ABCA13: variants seen among roughly 807,000 people sequenced by gnomAD.
ABCA13 encodes the protein ATP binding cassette subfamily A member 13.
In ABCA13, 476 loss-of-function variants were observed where a neutral mutation model predicts 478.7. That is an observed-to-expected ratio of 0.99 (90% CI 0.92 to 1.07). The LOEUF (loss-of-function observed/expected upper bound fraction) is 1.07. Ranked by LOEUF, ABCA13 falls within the 50% of genes least tolerant of loss-of-function variation. The pLI is 0.00. For synonymous variants in ABCA13, 2,252 were observed against 2,158.9 expected (o/e 1.04, Z -1.20); for missense variants, 6,060 against 5,910.6 (o/e 1.03, Z -0.83).
intron 44 of ABCA13, among the ~76,000 whole-genome samples, chr7:48,470,632 T>C (rs1357074953): frequency 6.6e-6 from 1 of 152,210 alleles, no homozygotes; most frequent in Non-Finnish European, 1.5e-5. Flanking sequence ...TACGTAGACA[T>C]TGTACTTTGC....
In ABCA13 at chr7:48,645,575, T is replaced by G; in HGVS notation, c.*63T>G. On this transcript the variant is annotated 3_prime_UTR_variant, in exon 62 of 62. Transcript: ENST00000435803. ...TTCCATTACAATTAACAGTCAAGGA[T>G]AAAACAAGCACGCGCACAATCAAGG... 2 of 1,364,922 alleles carry G rather than the reference T, an allele frequency of 1.5e-6. No individual in the cohort carries two copies. The highest frequency in any genetic ancestry group is 2.6e-5 in the South Asian group (2 of 77,390). The allele number at this position is 1,364,922 out of a possible 1,614,324, so 84.6% of individuals were successfully genotyped here.
intron 42 of ABCA13, among the ~76,000 whole-genome samples, chr7:48,452,922 G>A (rs1159498097): frequency 6.6e-6 from 1 of 152,128 alleles, no homozygotes; most frequent in Non-Finnish European, 1.5e-5. Flanking sequence ...TAATAAATAT[G>A]CAGACTTAAT....
At chr7:48,524,490 T>C in intron 54 of ABCA13, 50 bp downstream of exon 54, 2 of 1,477,464 alleles carry the variant, frequency 1.4e-6, no homozygotes, top group Non-Finnish European at 1.8e-6. Context: ...CCTGTACAAC[T>C]CTAGTAGCTG....
chr7:48,425,826 C>T (rs12718266), intron 41 of ABCA13, among the ~76,000 whole-genome samples: 41,517 of 151,598 alleles, frequency 0.27, 5,839 homozygotes, highest in East Asian at 0.37. Flanking sequence ...CTGCAGGCTC[C>T]GCCCCCTGGG....
rs1795749537 is a variant in ABCA13 at position 48,272,494 on chromosome 7, A to G, written c.2828A>G (p.Lys943Arg). Residue 943 changes from lysine to arginine, a missense_variant, in exon 17 of 62, where the codon AAA (lysine) becomes AGA (arginine). Lys to Arg is a conservative substitution (Grantham distance 26). Around this residue, in one of 3 missense-constraint regions of ABCA13, gnomAD observed 4,423 missense variants for 4,309.1 expected, o/e 1.03. Transcript: ENST00000435803. The stretch of plus-strand genomic sequence containing the variant: ...GAACCACAAAAACAAGAAGTTGATA[A>G]AATTTTGACTCACATACACCTAAAT... ...LSEPQKQEVD[K>R]ILTHIHLNVF... 1.2e-6 allele frequency: 2 copies of G among 1,613,776 alleles called. No individual in the cohort carries two copies. The highest frequency in any genetic ancestry group is 1.7e-6 in the Non-Finnish European group (2 of 1,179,750).
At chr7:48,236,644 T>G (rs1789993140) in intron 8 of ABCA13, among the ~76,000 whole-genome samples, 1 of 152,228 alleles carries the variant, frequency 6.6e-6, no homozygotes, top group African/African-American at 2.4e-5. Context: ...TTTGCCTCCT[T>G]TCTCCAATAA....
At chr7:48,523,473 A>G (rs1832691226) in intron 53 of ABCA13, among the ~76,000 whole-genome samples, 1 of 152,046 alleles carries the variant, frequency 6.6e-6, no homozygotes, top group African/African-American at 2.4e-5. Context: ...TGATAATATA[A>G]TAATATATTA....
chr7:48,372,215 G>A lies in ABCA13; in HGVS notation c.10851G>A (p.Trp3617Ter), dbSNP rs1585051199. 1.2e-6 allele frequency: 2 copies of A among 1,613,784 alleles called. No individual in the cohort carries two copies. The highest frequency in any genetic ancestry group is 8.5e-7 in the Non-Finnish European group (1 of 1,179,806). The part of the protein sequence containing the change: ...GVHPVIHFLA[W>*]FLENMAVLTI... ...ATCCAGTGATCCATTTCCTGGCCTGGTTCCTGGAGAACATGGCTGTGTTGA... is the reference window on the plus strand; with the variant it reads ...ATCCAGTGATCCATTTCCTGGCCTGATTCCTGGAGAACATGGCTGTGTTGA... The change falls in exon 33 of 62, where the codon TGG (tryptophan) becomes TGA (stop). Residue 3617 changes from tryptophan (W) to a stop codon, truncating the protein, a stop_gained. Coordinates refer to ENST00000435803, the MANE Select transcript of ABCA13 (RefSeq NM_152701.5). LOFTEE classifies it high-confidence loss of function.
intron 42 of ABCA13, among the ~76,000 whole-genome samples, chr7:48,432,986 T>A (rs1268085904): frequency 6.6e-6 from 1 of 152,034 alleles, no homozygotes; most frequent in Admixed American, 6.6e-5. Flanking sequence ...AAAAACTATG[T>A]GAGGTATTGC....
At chr7:48,446,655 A>G (rs536459234) in intron 42 of ABCA13, among the ~76,000 whole-genome samples, 1 of 152,288 alleles carries the variant, frequency 6.6e-6, no homozygotes, top group Admixed American at 6.5e-5. Context: ...ATGAAGGGCT[A>G]GTAGAACTCT....
chr7:48,394,781 G>A (rs1481508151), intron 38 of ABCA13, among the ~76,000 whole-genome samples: 3 of 152,046 alleles, frequency 2.0e-5, no homozygotes, highest in Admixed American at 2.0e-4. Flanking sequence ...AGATTTTGGT[G>A]CACCCATCGC....
chr7:48,297,067 A>G (rs1799480932), intron 21 of ABCA13, among the ~76,000 whole-genome samples, 165 bp from the exon 22 acceptor site: 1 of 152,346 alleles, frequency 6.6e-6, no homozygotes. Context: ...ATTCACATAC[A>G]GATGGTATTG....
intron 19 of ABCA13, among the ~76,000 whole-genome samples, chr7:48,282,107 A>C (rs1797133500): frequency 6.6e-6 from 1 of 152,222 alleles, no homozygotes; most frequent in Admixed American, 6.5e-5. Context: ...CATAGTGTCC[A>C]GCAATAGTGA....
chr7:48,179,892 TC>T (rs1214054182), intron 1 of ABCA13, among the ~76,000 whole-genome samples: 1 of 152,162 alleles, frequency 6.6e-6, no homozygotes, highest in African/African-American at 2.4e-5. Context: ...GCCCAGGACA[TC>T]AGTCCTATTT....
chr7:48,351,981 A>G (rs1026947064), intron 30 of ABCA13, among the ~76,000 whole-genome samples, 200 bp from the exon 31 acceptor site: 26 of 152,144 alleles, frequency 1.7e-4, no homozygotes, highest in African/African-American at 4.6e-4. Flanking sequence ...GAATTAAGAG[A>G]TCTTGGTTTA....
At chr7:48,500,259 T>G (rs1830626881) in intron 48 of ABCA13, among the ~76,000 whole-genome samples, 1 of 152,132 alleles carries the variant, frequency 6.6e-6, no homozygotes, top group Non-Finnish European at 1.5e-5. Context: ...GTTTTACAAT[T>G]TTAAAGAACA....
intron 41 of ABCA13, among the ~76,000 whole-genome samples, chr7:48,413,289 G>T (rs1819524644): frequency 6.6e-6 from 1 of 152,180 alleles, no homozygotes; most frequent in Admixed American, 6.5e-5. Flanking sequence ...GATGTGAGAG[G>T]GTTTAGCACG....
At chr7:48,226,398 T>C (rs917563556) in intron 5 of ABCA13, among the ~76,000 whole-genome samples, 4 of 152,190 alleles carry the variant, frequency 2.6e-5, no homozygotes, top group Admixed American at 6.5e-5. Flanking sequence ...TTCATTCCAC[T>C]GAGAGTGGTG....
chr7:48,635,877 A>G (rs570671426), intron 59 of ABCA13, among the ~76,000 whole-genome samples: 1 of 152,346 alleles, frequency 6.6e-6, no homozygotes, highest in African/African-American at 2.4e-5. Context: ...ATACAGAAAA[A>G]TAGCATTTTG....
Sources: gnomAD v4.1 joint callset for allele counts (sites outside exome capture counted in the v4.1 genomes callset) on GRCh38, gnomAD v4.1.1 for gene constraint, gnomAD v4.1.1 regional missense constraint, MANE v1.5 for transcripts, NCBI Gene and HGNC (gene_info 2026-07-23, HGNC 2026-07-21) for gene names.